GABBR2: variants seen among roughly 807,000 people sequenced by gnomAD.
GABBR2 encodes G-protein coupled receptor 51.
GABBR2 carries 23 observed loss-of-function variants against 105.6 expected under a neutral mutation model. That is an observed-to-expected ratio of 0.22 (90% CI 0.16 to 0.31). The LOEUF is 0.31. Ranked by LOEUF, GABBR2 falls within the 10% of genes least tolerant of loss-of-function variation. GABBR2 has a pLI of 1.00. For synonymous variants in GABBR2, 478 were observed against 499.7 expected (o/e 0.96, Z 0.58); for missense variants, 734 against 1,245.5 (o/e 0.59, Z 6.18).
intron 3 of GABBR2, among the ~76,000 whole-genome samples, chr9:98,514,262 G>C (rs868083132): frequency 7.5e-6 from 1 of 134,194 alleles, no homozygotes; most frequent in African/African-American, 2.6e-5. Flanking sequence ...TGTGGGGTAG[G>C]GGGAGGGGAG....
intron 1 of GABBR2, among the ~76,000 whole-genome samples, chr9:98,674,511 A>C (rs1328114425): frequency 1.3e-5 from 2 of 152,046 alleles, no homozygotes; most frequent in Non-Finnish European, 2.9e-5. Context: ...GTAAGAAAAA[A>C]ATCCCCACCG....
At chr9:98,383,172 C>G (rs1832009142) in intron 11 of GABBR2, among the ~76,000 whole-genome samples, 2 of 152,142 alleles carry the variant, frequency 1.3e-5, no homozygotes, top group South Asian at 4.2e-4. Flanking sequence ...AACTCCTGAC[C>G]TCGGGTGATC....
chr9:98,442,823 C>T (rs1197451758), intron 7 of GABBR2, among the ~76,000 whole-genome samples: 1 of 152,192 alleles, frequency 6.6e-6, no homozygotes, highest in Non-Finnish European at 1.5e-5. Context: ...ATAGAAACCT[C>T]ATCCGTATCT....
rs748889669 is a variant in GABBR2 at position 98,299,323 on chromosome 9, G to T, written c.2443C>A (p.Gln815Lys). The T allele has an allele frequency of 9.9e-6, 16 of 1,613,626 alleles. No individual in the cohort carries two copies. Among genetic ancestry groups the T allele is most frequent in the Non-Finnish European group, 1.3e-5 (15 of 1,179,576 alleles). ...GTCTTTTCTGGTGTGTCCTGCAGCT[G>T]CATGGTGACCTCTTCCAAGTCTTTA... ...LDKDLEEVTM[Q>K]LQDTPEKTTY... The change falls in exon 17 of 19, where the codon CAG becomes AAG. Residue 815 changes from glutamine (Q) to lysine (K), a missense_variant. By Grantham distance (53) the Gln-to-Lys change is moderately conservative (BLOSUM62 1). Transcript: ENST00000259455.
chr9:98,659,830 G>A (rs781576300), intron 1 of GABBR2, among the ~76,000 whole-genome samples: 18 of 151,370 alleles, frequency 1.2e-4, no homozygotes, highest in East Asian at 1.9e-4. Context: ...CTAAACAACC[G>A]TTTTAAAAAC....
chr9:98,378,567 A>G (rs562415405), intron 11 of GABBR2, among the ~76,000 whole-genome samples: 1 of 152,298 alleles, frequency 6.6e-6, no homozygotes, highest in South Asian at 2.1e-4. Flanking sequence ...TGCTCTTCCA[A>G]GTGCGGTCTG....
chr9:98,704,810 G>A (rs1160349160), intron 1 of GABBR2, among the ~76,000 whole-genome samples: 1 of 151,926 alleles, frequency 6.6e-6, no homozygotes, highest in African/African-American at 2.4e-5. Context: ...TTTTATTAGT[G>A]TGGCTAGAAT....
intron 3 of GABBR2, 52 bp from the exon 4 acceptor site, chr9:98,496,566 G>T: frequency 1.6e-6 from 2 of 1,249,414 alleles, no homozygotes; most frequent in South Asian, 1.2e-5. Flanking sequence ...CACAGGAAGG[G>T]CCAGTTCCGA....
Position 98,289,471 on chromosome 9 carries a change from CACCCCAGTG to C in GABBR2, c.*1104_*1112del, listed in dbSNP as rs1248412100. On this transcript the variant is annotated 3_prime_UTR_variant, in exon 19 of 19. Transcript: ENST00000259455. Reference sequence around the variant, plus strand: ...AATGAGAATCAATCTGCTGACTGATCACCCCAGTGATCCCAAGGGGAGAGCTCACTGGCT... The same window carrying C: ...AATGAGAATCAATCTGCTGACTGATCATCCCAAGGGGAGAGCTCACTGGCT... 2 of 152,544 alleles carry C rather than the reference CACCCCAGTG, an allele frequency of 1.3e-5. No homozygotes were observed. Among genetic ancestry groups the C allele is most frequent in the African/African-American group, 4.8e-5 (2 of 41,400 alleles). The allele number at this position is 152,544 out of a possible 1,614,324, so 9.4% of individuals were successfully genotyped here.
intron 1 of GABBR2, among the ~76,000 whole-genome samples, chr9:98,592,597 C>T (rs1438403657): frequency 6.6e-6 from 1 of 152,174 alleles, no homozygotes; most frequent in Non-Finnish European, 1.5e-5. Flanking sequence ...AAACCTTATG[C>T]TCTTAGAAAT....
intron 10 of GABBR2, 21 bp from the exon 11 acceptor site, chr9:98,385,793 T>C (rs761091561): frequency 1.4e-5 from 23 of 1,595,444 alleles, no homozygotes; most frequent in Admixed American, 6.7e-5. Flanking sequence ...AAAGAGACAA[T>C]AGATTTAACA....
intron 7 of GABBR2, among the ~76,000 whole-genome samples, chr9:98,428,046 T>C (rs964752395): frequency 6.6e-6 from 1 of 152,256 alleles, no homozygotes; most frequent in Non-Finnish European, 1.5e-5. Context: ...ATAATAAACA[T>C]GTATTGTTGT....
At chr9:98,422,327 G>A (rs1279337854) in intron 7 of GABBR2, among the ~76,000 whole-genome samples, 6 of 152,168 alleles carry the variant, frequency 3.9e-5, no homozygotes, top group Admixed American at 3.9e-4. Context: ...CAGAGACATG[G>A]GGCCTCAGGC....
chr9:98,290,524 G>T lies in GABBR2; in HGVS notation c.*60C>A. On this transcript the variant is annotated 3_prime_UTR_variant, in exon 19 of 19. Coordinates refer to ENST00000259455, the MANE Select transcript of GABBR2 (RefSeq NM_005458.8). ...CAGAGCCGACAGTGTTTCTGCAGCA[G>T]ACCCCTCTGCCCAGTGTGGTTCTGT... The T allele has an allele frequency of 8.6e-7, 1 of 1,166,002 alleles. No individual in the cohort carries two copies. Among genetic ancestry groups the T allele is most frequent in the Non-Finnish European group, 1.1e-6 (1 of 901,050 alleles). 72.2% of individuals were successfully genotyped at this position (1,166,002 alleles called of 1,614,324 possible). A position where few individuals can be genotyped will look rare whatever the true frequency, so the allele number is the denominator to read the frequency against.
chr9:98,450,623 A>G (rs1326351267), intron 7 of GABBR2, among the ~76,000 whole-genome samples: 2 of 152,156 alleles, frequency 1.3e-5, no homozygotes, highest in African/African-American at 2.4e-5. Flanking sequence ...TGAAGGAGTC[A>G]TTTTCCTTTT....
At chr9:98,337,219 C>T (rs4743204) in intron 13 of GABBR2, among the ~76,000 whole-genome samples, 66,662 of 151,950 alleles carry the variant, frequency 0.44, 14,745 homozygotes, top group Middle Eastern at 0.47. Context: ...GCACGAGAAT[C>T]GCTTGAACCC....
chr9:98,602,300 C>T (rs368107375), intron 1 of GABBR2, among the ~76,000 whole-genome samples: 265 of 151,772 alleles, frequency 1.7e-3, no homozygotes, highest in Non-Finnish European at 3.1e-3. Flanking sequence ...AGTGAAACTC[C>T]GTCTCTACTA....
At chr9:98,555,830 A>T (rs1009668651) in intron 2 of GABBR2, 4 of 152,152 alleles carry the variant, frequency 2.6e-5, no homozygotes, top group Non-Finnish European at 4.4e-5. Flanking sequence ...GTCCAGGCCT[A>T]CTCACAGACA....
At chr9:98,664,819 C>T (rs1409119128) in intron 1 of GABBR2, among the ~76,000 whole-genome samples, 1 of 152,162 alleles carries the variant, frequency 6.6e-6, no homozygotes, top group African/African-American at 2.4e-5. Context: ...GAGATATTCT[C>T]GCCAAAGGAA....
Sources: gnomAD v4.1 joint callset for allele counts (sites outside exome capture counted in the v4.1 genomes callset) on GRCh38, gnomAD v4.1.1 for gene constraint, MANE v1.5 for transcripts, NCBI Gene and HGNC (gene_info 2026-07-23, HGNC 2026-07-21) for gene names.